Variants in ST6GALNAC3 observed in about 807,000 individuals in gnomAD.
ST6GALNAC3 encodes the protein alpha-N-acetylgalactosaminide alpha-2,6-sialyltransferase 3.
In ST6GALNAC3, 25 loss-of-function variants were observed where a neutral mutation model predicts 32.7. The observed-to-expected ratio is 0.76, with a 90% confidence interval of 0.56 to 1.07. The LOEUF (loss-of-function observed/expected upper bound fraction) is 1.07, where lower values mean the gene tolerates loss of function less well. Among genes scored for constraint, ST6GALNAC3 ranks in the 50% least tolerant of loss-of-function variants. ST6GALNAC3 has a pLI of 0.00. For synonymous variants in ST6GALNAC3, 129 were observed against 133.1 expected, an observed-to-expected ratio of 0.97 and a Z score of 0.21; for missense variants, 355 against 382.4, an observed-to-expected ratio of 0.93 and a Z score of 0.60.
In ST6GALNAC3 at chr1:76,391,064, C is replaced by T. The variant is rs145505933; in HGVS notation, c.214-20944C>T. The stretch of plus-strand genomic sequence containing the variant: ...ACGCCATTCTCCTGCCTCAGCCTCC[C>T]GAGTAGCTGGGACTACGGGCGCCCA... On this transcript the variant is annotated intron_variant, in intron 2 of 4. Coordinates refer to ENST00000328299, the MANE Select transcript of ST6GALNAC3 (RefSeq NM_152996.4). Among the ~76,000 whole-genome samples, 623 of 151,352 alleles carry T rather than the reference C, an allele frequency of 4.1e-3. 6 individuals are homozygous for T. The highest frequency in any genetic ancestry group is 0.014 in the African/African-American group (586 of 41,396).
At position 76,183,851 on chromosome 1, in the gene ST6GALNAC3, A is replaced by AATATATATATATATATATATATAT. The variant is rs71071991; in HGVS notation, c.18+108989_18+108990insATATATATATATATATATATATAT. On this transcript the variant is annotated intron_variant, in intron 1 of 4. Coordinates refer to ENST00000328299, the MANE Select transcript of ST6GALNAC3 (RefSeq NM_152996.4). ...GTTGTTGACCAAAATGTAGTGCATG[A>AATATATATATATATATATATATAT]ATATATATATATATATATATATGTA... Among the ~76,000 whole-genome samples, 426 of 117,996 alleles carry AATATATATATATATATATATATAT rather than the reference A, an allele frequency of 3.6e-3. 7 individuals are homozygous for AATATATATATATATATATATATAT. Among genetic ancestry groups the AATATATATATATATATATATATAT allele is most frequent in the African/African-American group, 8.8e-3 (252 of 28,516 alleles). The allele number at this position is 117,996 out of a possible 152,430, so 77.4% of individuals were successfully genotyped here. A position where few individuals can be genotyped will look rare whatever the true frequency, so the allele number is the denominator to read the frequency against.
chr1:76,459,563 CA>C (rs34570106), intron 3 of ST6GALNAC3, among the ~76,000 whole-genome samples: 50,946 of 125,796 alleles, frequency 0.4, 8,787 homozygotes, highest in South Asian at 0.5. Flanking sequence ...GACTCCATCT[CA>C]AAAAAAAAAA....
chr1:76,155,378 GGTT>G (rs1015335058), intron 1 of ST6GALNAC3, among the ~76,000 whole-genome samples: 3 of 152,118 alleles, frequency 2.0e-5, no homozygotes, highest in African/African-American at 7.2e-5. Flanking sequence ...GGTAATTTTT[GGTT>G]GTTTTAATCA....
intron 3 of ST6GALNAC3, among the ~76,000 whole-genome samples, chr1:76,454,037 T>C (rs1414865437): frequency 6.6e-6 from 1 of 152,198 alleles, no homozygotes; most frequent in Non-Finnish European, 1.5e-5. Flanking sequence ...ATGATGCCTC[T>C]CTGTGTATTT....
intron 3 of ST6GALNAC3, among the ~76,000 whole-genome samples, chr1:76,609,441 T>G (rs1432689790): frequency 6.6e-6 from 1 of 152,216 alleles, no homozygotes; most frequent in Non-Finnish European, 1.5e-5. Context: ...GATTTAAACA[T>G]TCTTATTTGG....
chr1:76,468,450 T>C (rs1658796972), intron 3 of ST6GALNAC3, among the ~76,000 whole-genome samples: 1 of 152,040 alleles, frequency 6.6e-6, no homozygotes, highest in Non-Finnish European at 1.5e-5. Context: ...AATGCTGTAA[T>C]TTTTCTTTGT....
At chr1:76,599,719 TGTGTGTGTGTGTGTG>T (rs1647192407) in intron 3 of ST6GALNAC3, among the ~76,000 whole-genome samples, 4 of 35,894 alleles carry the variant, frequency 1.1e-4, no homozygotes, top group Admixed American at 4.2e-4. Context: ...TACCGTATCG[TGTGTGTGTGTGTGTG>T]TGTGTGTGTG....
At chr1:76,326,312 G>C (rs967002267) in intron 2 of ST6GALNAC3, among the ~76,000 whole-genome samples, 1 of 152,126 alleles carries the variant, frequency 6.6e-6, no homozygotes, top group Non-Finnish European at 1.5e-5. Flanking sequence ...ATCAAAGGGA[G>C]GCCCAAAATG....
At position 76,628,741 on chromosome 1, in the gene ST6GALNAC3, G is replaced by A; in HGVS notation, c.853G>A (p.Val285Met). 2 of 1,612,364 alleles carry A rather than the reference G, an allele frequency of 1.2e-6. No individual in the cohort carries two copies. Among genetic ancestry groups the A allele is most frequent in the Non-Finnish European group, 1.7e-6 (2 of 1,178,976 alleles). ...TCATAGGTTTATCACTGAAAAGAAAGTGTTTGCTAAATGGGCCAAGAAGCA... is the reference window on the plus strand; with the variant it reads ...TCATAGGTTTATCACTGAAAAGAAAATGTTTGCTAAATGGGCCAAGAAGCA... ...GGHRFITEKK[V>M]FAKWAKKHRI... is the part of the protein sequence containing the mutation. Residue 285 changes from valine (V) to methionine (M), a missense_variant, in exon 5 of 5, where the codon GTG becomes ATG. Val to Met is a conservative substitution (Grantham distance 21, BLOSUM62 1). Coordinates refer to ENST00000328299, the MANE Select transcript of ST6GALNAC3 (RefSeq NM_152996.4).
chr1:76,513,992 T>C (rs1662025384), intron 3 of ST6GALNAC3, among the ~76,000 whole-genome samples: 1 of 152,206 alleles, frequency 6.6e-6, no homozygotes, highest in East Asian at 1.9e-4. Flanking sequence ...CTACTGATTT[T>C]TTTGTATGTT....
At chr1:76,524,714 G>GTTT (rs199723434) in intron 3 of ST6GALNAC3, among the ~76,000 whole-genome samples, 3 of 140,138 alleles carry the variant, frequency 2.1e-5, no homozygotes, top group Non-Finnish European at 3.1e-5. Flanking sequence ...AAATATTTCA[G>GTTT]TTTTTTTTTT....
At chr1:76,318,790 A>G (rs926708282) in intron 2 of ST6GALNAC3, among the ~76,000 whole-genome samples, 2 of 152,198 alleles carry the variant, frequency 1.3e-5, no homozygotes, top group African/African-American at 2.4e-5. Context: ...CCTTGAAACA[A>G]ATGCTATTTA....
At chr1:76,334,009 C>A (rs890865258) in intron 2 of ST6GALNAC3, among the ~76,000 whole-genome samples, 5 of 152,110 alleles carry the variant, frequency 3.3e-5, no homozygotes, top group African/African-American at 9.7e-5. Flanking sequence ...GAAGGTGTAA[C>A]CATTAAGCAT....
chr1:76,325,163 G>A (rs1557788227), intron 2 of ST6GALNAC3, among the ~76,000 whole-genome samples: 1 of 152,214 alleles, frequency 6.6e-6, no homozygotes, highest in Non-Finnish European at 1.5e-5. Flanking sequence ...AAGACCATAG[G>A]AGAAGGTGAA....
chr1:76,269,654 C>T (rs2100751495), intron 1 of ST6GALNAC3, among the ~76,000 whole-genome samples: 1 of 152,342 alleles, frequency 6.6e-6, no homozygotes. Context: ...TATAATGGAA[C>T]TGACTCTCCT....
intron 1 of ST6GALNAC3, among the ~76,000 whole-genome samples, chr1:76,201,431 G>A (rs1466120478): frequency 3.9e-5 from 6 of 152,026 alleles, no homozygotes; most frequent in South Asian, 2.1e-4. Context: ...ACCTTCCACC[G>A]GGTTCCTCCC....
intron 3 of ST6GALNAC3, chr1:76,577,309 T>C: frequency 1.0e-6 from 1 of 987,538 alleles, no homozygotes; most frequent in Non-Finnish European, 1.2e-6. Flanking sequence ...CCATGCTAGA[T>C]TTCCCTTGCC....
At chr1:76,257,221 A>G (rs1054724394) in intron 1 of ST6GALNAC3, among the ~76,000 whole-genome samples, 1 of 152,190 alleles carries the variant, frequency 6.6e-6, no homozygotes. Context: ...CAACATGAAG[A>G]TGGTTTTATT....
intron 3 of ST6GALNAC3, among the ~76,000 whole-genome samples, chr1:76,595,162 G>A (rs1450029158): frequency 2.0e-5 from 3 of 152,056 alleles, no homozygotes; most frequent in Admixed American, 1.3e-4. Flanking sequence ...GATAAGCTGG[G>A]GCTCCTTGCT....
Sources: gnomAD v4.1 joint callset for allele counts (sites outside exome capture counted in the v4.1 genomes callset) on GRCh38, gnomAD v4.1.1 for gene constraint, MANE v1.5 for transcripts, NCBI Gene and HGNC (gene_info 2026-07-23, HGNC 2026-07-21) for gene names.